The following THSD7B variants were observed in gnomAD, a reference collection of about 807,000 sequenced individuals.
The protein encoded by THSD7B is thrombospondin type-1 domain-containing protein 7B.
Under a neutral mutation model 213.6 loss-of-function variants are expected in THSD7B, and 138 were observed. That is an observed-to-expected ratio of 0.65 (90% CI 0.56 to 0.74). THSD7B has a LOEUF of 0.74. Ranked by LOEUF, THSD7B falls within the 30% of genes least tolerant of loss-of-function variation. The pLI is 0.00. For missense variants in THSD7B, 1,931 were observed against 1,991.5 expected (o/e 0.97, Z 0.58); for synonymous variants, 742 against 687.0 (o/e 1.08, Z -1.25).
Position 137,659,701 on chromosome 2 carries a change from G to A in THSD7B, c.4413G>A (p.Arg1471=), listed in dbSNP as rs1411269857. The A allele has an allele frequency of 1.2e-6, 2 of 1,605,114 alleles. No homozygotes were observed. Among genetic ancestry groups the A allele is most frequent in the Admixed American group, 1.7e-5 (1 of 58,966 alleles). The part of the protein sequence containing the change: ...CSPQARPAAI[R]QCIPACRKPF... ...CTCAGGCCCGTCCTGCTGCCATTCGGCAGTGCATTCCAGCCTGCAGAAAAC... is the reference window on the plus strand; with the variant it reads ...CTCAGGCCCGTCCTGCTGCCATTCGACAGTGCATTCCAGCCTGCAGAAAAC... The change falls in exon 25 of 28, where the codon CGG becomes CGA. Residue 1471 remains arginine, a synonymous_variant. Transcript: ENST00000409968.
In THSD7B at chr2:137,171,999, G is replaced by T. The variant is rs1205079371; in HGVS notation, c.1723+1061G>T. ...AGTTAAAACTAATAGCAACTCCTGT[G>T]AATATTAACATATAATTTTTGAATT... On this transcript the variant is annotated intron_variant, in intron 7 of 27. Transcript: ENST00000409968. Among the ~76,000 whole-genome samples the T allele has an allele frequency of 2.0e-5, 3 of 152,168 alleles. No individual in the cohort carries two copies. In the East Asian group the frequency reaches 5.8e-4, roughly 29 times the overall value.
intron 12 of THSD7B, among the ~76,000 whole-genome samples, chr2:137,285,738 A>T (rs1460456824): frequency 1.3e-5 from 2 of 152,082 alleles, no homozygotes; most frequent in Non-Finnish European, 2.9e-5. Flanking sequence ...TTTGCCTGAT[A>T]TGCTTTATTT....
intron 1 of THSD7B, among the ~76,000 whole-genome samples, chr2:136,796,691 G>A (rs959215921): frequency 6.6e-6 from 1 of 151,828 alleles, no homozygotes; most frequent in African/African-American, 2.4e-5. Context: ...GGAGTTTTGA[G>A]TTCCTCTAAA....
intron 2 of THSD7B, among the ~76,000 whole-genome samples, chr2:136,890,444 T>C (rs200197428): frequency 6.5e-3 from 19 of 2,908 alleles, no homozygotes; most frequent in East Asian, 0.25. Context: ...TTCTTCTTCT[T>C]CTTCTTCTTC....
chr2:137,474,946 T>C lies in THSD7B; in HGVS notation c.3138+23923T>C, dbSNP rs575528756. 3.3e-5 allele frequency among the ~76,000 whole-genome samples: 5 copies of C among 152,306 alleles called. No individual in the cohort carries two copies. The East Asian group carries it at 9.6e-4, about 29-fold the overall frequency. Reference sequence around the variant, plus strand: ...TTTATATCCCATTTCTATTCACTTCTTCTCTTAGCTTTTTGTAAATCTGTC... The same window carrying C: ...TTTATATCCCATTTCTATTCACTTCCTCTCTTAGCTTTTTGTAAATCTGTC... On this transcript the variant is annotated intron_variant, in intron 15 of 27. Transcript: ENST00000409968.
intron 12 of THSD7B, among the ~76,000 whole-genome samples, chr2:137,326,610 G>T (rs112685348): frequency 1.3e-5 from 2 of 152,172 alleles, no homozygotes; most frequent in African/African-American, 4.8e-5. Flanking sequence ...CTCATACCTC[G>T]CAGTTCCCCT....
chr2:137,651,952 A>G (rs1683148538), intron 21 of THSD7B, among the ~76,000 whole-genome samples: 1 of 152,032 alleles, frequency 6.6e-6, no homozygotes, highest in Admixed American at 6.6e-5. Context: ...GATTTGTTGA[A>G]ACTTGCTTTG....
chr2:137,130,199 T>C (rs933610924), intron 5 of THSD7B, among the ~76,000 whole-genome samples: 8 of 152,046 alleles, frequency 5.3e-5, no homozygotes, highest in African/African-American at 1.9e-4. Flanking sequence ...CCAGATGAGG[T>C]GGATTTAAAA....
chr2:137,161,166 A>G (rs905888803), intron 6 of THSD7B, among the ~76,000 whole-genome samples: 1 of 152,112 alleles, frequency 6.6e-6, no homozygotes, highest in African/African-American at 2.4e-5. Context: ...GTAGGCCTCT[A>G]TGGTCTAGTT....
At position 137,546,477 on chromosome 2, in the gene THSD7B, TA is replaced by T. The variant is rs1374774246; in HGVS notation, c.3139-16742del. 1.3e-4 allele frequency among the ~76,000 whole-genome samples: 8 copies of T among 59,832 alleles called. 1 individual carries two copies. Among genetic ancestry groups the T allele is most frequent in the East Asian group, 9.6e-4 (2 of 2,088 alleles). 39.3% of individuals were successfully genotyped at this position (59,832 alleles called of 152,430 possible). ...ATATTATATATAATATATATATATA[TA>T]ATATATATATATATATATTAACATA... is the stretch of plus-strand genomic sequence containing the variant. On this transcript the variant is annotated intron_variant, in intron 15 of 27. Coordinates refer to ENST00000409968, the MANE Select transcript of THSD7B (RefSeq NM_001316349.2).
intron 15 of THSD7B, among the ~76,000 whole-genome samples, chr2:137,508,802 C>G (rs1225329431): frequency 3.9e-5 from 6 of 152,042 alleles, no homozygotes; most frequent in South Asian, 4.2e-4. Flanking sequence ...GGAGCACCCT[C>G]CTTTATAGAA....
At chr2:136,947,162 G>A (rs1465791990) in intron 2 of THSD7B, among the ~76,000 whole-genome samples, 1 of 152,180 alleles carries the variant, frequency 6.6e-6, no homozygotes, top group Non-Finnish European at 1.5e-5. Flanking sequence ...ATGTCGCTAA[G>A]AGAAAGTCTT....
intron 17 of THSD7B, among the ~76,000 whole-genome samples, chr2:137,613,434 G>A (rs1209219190): frequency 6.6e-6 from 1 of 152,120 alleles, no homozygotes; most frequent in East Asian, 1.9e-4. Flanking sequence ...TGCTTCTAGA[G>A]ATAACAAAAT....
rs540882298 is a variant in THSD7B, at chr2:137,616,184, C to A, written c.3433C>A (p.Pro1145Thr). Residue 1145 changes from proline to threonine, a missense_variant, in exon 18 of 28, where the codon CCC (proline) becomes ACC (threonine). By Grantham distance (38) the Pro-to-Thr change is conservative. Coordinates refer to ENST00000409968, the MANE Select transcript of THSD7B (RefSeq NM_001316349.2). ...LWSKCPQSCD[P>T]HTMQRRTRHL... Reference sequence around the variant, plus strand: ...ACTCTGATTTTAATAGTCATGCGATCCCCACACAATGCAGAGAAGAACTCG... The same window carrying A: ...ACTCTGATTTTAATAGTCATGCGATACCCACACAATGCAGAGAAGAACTCG... 9.8e-5 allele frequency: 158 copies of A among 1,612,230 alleles called. No individual in the cohort carries two copies. The highest frequency in any genetic ancestry group is 1.3e-4 in the Non-Finnish European group (154 of 1,179,286).
chr2:137,332,870 T>C (rs1229375778), intron 12 of THSD7B, among the ~76,000 whole-genome samples: 1 of 152,186 alleles, frequency 6.6e-6, no homozygotes, highest in Non-Finnish European at 1.5e-5. Context: ...AGGCCTCCCC[T>C]ACTATGCTGA....
chr2:137,080,997 T>G (rs552525160), intron 3 of THSD7B, among the ~76,000 whole-genome samples: 1 of 152,330 alleles, frequency 6.6e-6, no homozygotes, highest in South Asian at 2.1e-4. Context: ...GATATATTAT[T>G]CTATTTACTA....
At chr2:137,289,721 C>G (rs977332730) in intron 12 of THSD7B, among the ~76,000 whole-genome samples, 3 of 151,164 alleles carry the variant, frequency 2.0e-5, no homozygotes, top group Admixed American at 2.0e-4. Context: ...CCAAAGAAAA[C>G]CAAGAAATAA....
intron 15 of THSD7B, among the ~76,000 whole-genome samples, chr2:137,484,223 A>T (rs1368994274): frequency 7.2e-6 from 1 of 138,948 alleles, no homozygotes; most frequent in Admixed American, 8.0e-5. Flanking sequence ...TCCTGTGTCC[A>T]TGTGTTCTTA....
chr2:137,514,281 C>G (rs1190574746), intron 15 of THSD7B, among the ~76,000 whole-genome samples: 1 of 152,070 alleles, frequency 6.6e-6, no homozygotes, highest in Non-Finnish European at 1.5e-5. Context: ...ACCCTCAATC[C>G]GGGTGGGCAC....
Sources: allele counts gnomAD v4.1 joint callset (sites outside exome capture counted in the v4.1 genomes callset), GRCh38; gene constraint gnomAD v4.1.1; transcripts MANE v1.5; gene names NCBI Gene and HGNC (gene_info 2026-07-23, HGNC 2026-07-21).